Variants in WWOX observed in about 807,000 individuals in gnomAD.
WWOX encodes the protein WW domain-containing oxidoreductase.
In WWOX, 69 loss-of-function variants were observed where a neutral mutation model predicts 46.2. The ratio of observed to expected loss-of-function variants is 1.49; its 90% CI spans 1.23 to 1.82. WWOX has a LOEUF of 1.82. Among genes scored for constraint, WWOX ranks in the 40% most tolerant of loss-of-function variants. The pLI, the probability that WWOX is intolerant of heterozygous loss-of-function variation, is 0.00. For missense variants in WWOX, 919 were observed against 542.6 expected (o/e 1.69, Z -6.89); for synonymous variants, 359 against 202.6 (o/e 1.77, Z -6.56).
chr16:78,233,613 G>A (rs565507703), intron 5 of WWOX, among the ~76,000 whole-genome samples: 18 of 145,614 alleles, frequency 1.2e-4, no homozygotes, highest in Admixed American at 4.3e-4. Context: ...TGCAAGCTCC[G>A]CCTCCCGGGT....
At chr16:78,919,335 C>T (rs1407884599) in intron 8 of WWOX, among the ~76,000 whole-genome samples, 2 of 151,774 alleles carry the variant, frequency 1.3e-5, no homozygotes, top group Non-Finnish European at 1.5e-5. Context: ...AAGCAGAGGG[C>T]AAGTGGTAGA....
chr16:78,743,842 C>T (rs912954521), intron 8 of WWOX, among the ~76,000 whole-genome samples: 4 of 152,162 alleles, frequency 2.6e-5, no homozygotes, highest in African/African-American at 9.7e-5. Flanking sequence ...ATGAGGTGTA[C>T]ACCAAGTGGC....
chr16:78,548,853 A>C (rs2044110566), intron 8 of WWOX, among the ~76,000 whole-genome samples: 1 of 152,198 alleles, frequency 6.6e-6, no homozygotes, highest in Non-Finnish European at 1.5e-5. Flanking sequence ...CACATGCTGT[A>C]ACCTCATTAA....
At chr16:78,315,822 TA>T (rs961507560) in intron 5 of WWOX, among the ~76,000 whole-genome samples, 35 of 151,312 alleles carry the variant, frequency 2.3e-4, no homozygotes, top group Admixed American at 3.9e-4. Flanking sequence ...TCCATTAGTT[TA>T]AAAAAAAATA....
At chr16:78,412,847 A>T (rs573311484) in intron 6 of WWOX, among the ~76,000 whole-genome samples, 2 of 152,240 alleles carry the variant, frequency 1.3e-5, no homozygotes, top group African/African-American at 4.8e-5. Flanking sequence ...TTTCAAAACT[A>T]TAGACCATAA....
intron 8 of WWOX, among the ~76,000 whole-genome samples, chr16:78,759,409 C>T (rs962113551): frequency 3.3e-5 from 5 of 152,158 alleles, no homozygotes; most frequent in African/African-American, 1.2e-4. Context: ...TTTCTTCTCT[C>T]ACTGCTGCTG....
intron 8 of WWOX, among the ~76,000 whole-genome samples, chr16:79,036,062 G>C (rs2047860416): frequency 6.6e-6 from 1 of 152,130 alleles, no homozygotes; most frequent in Admixed American, 6.5e-5. Flanking sequence ...GTCTCTCTGT[G>C]GTTTTCTTTC....
chr16:78,685,181 A>G (rs2047826276), intron 8 of WWOX, among the ~76,000 whole-genome samples: 2 of 152,110 alleles, frequency 1.3e-5, no homozygotes, highest in South Asian at 4.2e-4. Context: ...GGACTGGGAG[A>G]GATCTGTGAG....
intron 5 of WWOX, chr16:78,167,441 C>A (rs988693250): frequency 6.6e-6 from 1 of 152,184 alleles, no homozygotes; most frequent in Non-Finnish European, 1.5e-5. Flanking sequence ...ACATGTAGTA[C>A]CTTGAGATAG....
At chr16:78,185,896 C>G (rs944174345) in intron 5 of WWOX, among the ~76,000 whole-genome samples, 1 of 152,098 alleles carries the variant, frequency 6.6e-6, no homozygotes, top group Non-Finnish European at 1.5e-5. Context: ...GAACTCTTGA[C>G]CTCAAGTGAT....
chr16:78,700,312 C>CAGAGAGAGAGAGAGAGAG (rs55638553), intron 8 of WWOX, among the ~76,000 whole-genome samples: 1 of 130,552 alleles, frequency 7.7e-6, no homozygotes, highest in African/African-American at 2.8e-5. Context: ...ACTTAGTAGA[C>CAGAGAGAGAGAGAGAGAG]AGAGAGAGAG....
At position 78,285,043 on chromosome 16, in the gene WWOX, G is replaced by T. The variant is rs142208191; in HGVS notation, c.517-101817G>T. On this transcript the variant is annotated intron_variant, in intron 5 of 8. Coordinates refer to ENST00000566780, the MANE Select transcript of WWOX (RefSeq NM_016373.4). ...GTCATTAATGCTTGGCTAGCTGGTG[G>T]ACTTAAACCCAGAGGGCACTTCTGA... is the stretch of plus-strand genomic sequence containing the variant. Among the ~76,000 whole-genome samples the T allele has an allele frequency of 3.5e-3, 529 of 152,230 alleles. 5 individuals are homozygous for T. The highest frequency in any genetic ancestry group is 0.012 in the African/African-American group (512 of 41,530).
intron 5 of WWOX, among the ~76,000 whole-genome samples, chr16:78,382,798 T>C (rs961053017): frequency 2.0e-5 from 3 of 152,166 alleles, no homozygotes; most frequent in African/African-American, 7.2e-5. Context: ...CTTAGAATTA[T>C]GCACAAAGGT....
chr16:78,482,678 T>TA (rs1349183872), intron 8 of WWOX, among the ~76,000 whole-genome samples: 1 of 152,130 alleles, frequency 6.6e-6, no homozygotes, highest in Non-Finnish European at 1.5e-5. Flanking sequence ...AACTGAGGCT[T>TA]AGAGAGTTGA....
chr16:78,657,644 C>A (rs2047111584), intron 8 of WWOX, among the ~76,000 whole-genome samples: 1 of 152,096 alleles, frequency 6.6e-6, no homozygotes, highest in South Asian at 2.1e-4. Flanking sequence ...AGATTTTAGT[C>A]CCCTCTTGAA....
chr16:78,816,642 A>T (rs942637148), intron 8 of WWOX, among the ~76,000 whole-genome samples: 10 of 151,096 alleles, frequency 6.6e-5, no homozygotes, highest in Non-Finnish European at 1.2e-4. Context: ...TAGCTGTGTC[A>T]CATTAAAAGC....
chr16:78,386,738 T>G (rs1357073904), intron 5 of WWOX, 122 bp from the exon 6 acceptor site: 1 of 804,658 alleles, frequency 1.2e-6, no homozygotes, highest in Non-Finnish European at 2.0e-6. Flanking sequence ...TTATATTCTC[T>G]CTGGGCGTCT....
intron 5 of WWOX, among the ~76,000 whole-genome samples, chr16:78,175,676 A>G (rs28689026): frequency 0.037 from 5,645 of 152,266 alleles, 327 homozygotes; most frequent in African/African-American, 0.13. Flanking sequence ...TGGCTGATTC[A>G]TGTCATGAGA....
chr16:78,693,591 G>T (rs191165458), intron 8 of WWOX, among the ~76,000 whole-genome samples: 1 of 152,204 alleles, frequency 6.6e-6, no homozygotes, highest in Non-Finnish European at 1.5e-5. Flanking sequence ...CTCTAGGGCA[G>T]TGGAGACAAT....
Sources: gnomAD v4.1 joint callset for allele counts (sites outside exome capture counted in the v4.1 genomes callset) on GRCh38, gnomAD v4.1.1 for gene constraint, MANE v1.5 for transcripts, NCBI Gene and HGNC (gene_info 2026-07-23, HGNC 2026-07-21) for gene names.